GRK1: variants seen among roughly 807,000 people sequenced by gnomAD.
GRK1 encodes G protein-coupled receptor kinase 1.
A neutral mutation model predicts 41.7 loss-of-function variants in GRK1; 28 were observed. The ratio of observed to expected loss-of-function variants is 0.67; its 90% CI spans 0.50 to 0.92. The LOEUF is 0.92. GRK1 is among the 40% of genes least tolerant of loss of function. The probability of loss-of-function intolerance (pLI) is 0.00; values close to 1 mark genes in which losing one functional copy is unlikely to be tolerated. For synonymous variants in GRK1, 327 were observed against 286.7 expected, an observed-to-expected ratio of 1.14 and a Z score of -1.42; for missense variants, 703 against 671.2, an observed-to-expected ratio of 1.05 and a Z score of -0.52.
At chr13:113,669,271 C>A (rs1000432963) in intron 1 of GRK1, among the ~76,000 whole-genome samples, 3 of 152,194 alleles carry the variant, frequency 2.0e-5, no homozygotes, top group African/African-American at 7.2e-5. Flanking sequence ...AAAATAAAGA[C>A]AAAATGAAGC....
Position 113,671,453 on chromosome 13 carries a change from T to TC in GRK1, c.828-42dup. 1 of 774,342 alleles carries TC rather than the reference T, an allele frequency of 1.3e-6. No individual in the cohort carries two copies. Among genetic ancestry groups the TC allele is most frequent in the East Asian group, 2.4e-5 (1 of 41,214 alleles). 48.0% of individuals were successfully genotyped at this position (774,342 alleles called of 1,614,324 possible). On this transcript the variant is annotated intron_variant, in intron 2 of 6. Coordinates refer to ENST00000335678, the MANE Select transcript of GRK1 (RefSeq NM_002929.3). This position sits in a 1 kb window ranked among gnomAD's most constrained non-coding sequence, Gnocchi z 4.1. ...CAGCTCTGTCTTTCCATGATTTTAC[T>TC]CCCCATTAAACCCGGGGTGCATGGT...
chr13:113,735,291 G>T lies in GRK1; in HGVS notation c.1620G>T (p.Met540Ile). 1 of 1,535,656 alleles carries T rather than the reference G, an allele frequency of 6.5e-7. No homozygotes were observed. The highest frequency in any genetic ancestry group is 8.7e-7 in the Non-Finnish European group (1 of 1,145,756). Residue 540 changes from methionine to isoleucine, a missense_variant, in exon 7 of 7, where the codon ATG becomes ATT. By Grantham distance (10) the Met-to-Ile change is conservative. Coordinates refer to ENST00000335678, the MANE Select transcript of GRK1 (RefSeq NM_002929.3). ...ELNVWRSDGQMPDDMKGISGG... is the reference protein window; with the variant it reads ...ELNVWRSDGQIPDDMKGISGG... ...ACGTGTGGCGCTCGGACGGTCAGATGCCGGACGACATGAAGGGCATCTCCG... is the reference window on the plus strand; with the variant it reads ...ACGTGTGGCGCTCGGACGGTCAGATTCCGGACGACATGAAGGGCATCTCCG...
intron 2 of GRK1, among the ~76,000 whole-genome samples, chr13:113,670,806 C>T (rs79988872): frequency 2.7e-5 from 4 of 147,568 alleles, no homozygotes; most frequent in African/African-American, 1.0e-4. Context: ...CACGGGGGTG[C>T]CCAGGCGGAG....
chr13:113,669,400 C>G, intron 1 of GRK1, among the ~76,000 whole-genome samples: 1 of 152,206 alleles, frequency 6.6e-6, no homozygotes, highest in East Asian at 1.9e-4. Flanking sequence ...GGGTCCTCAC[C>G]CATGTTGCTC....
At chr13:113,656,968 G>GC in the GRK1 span, among the ~76,000 whole-genome samples, 186 of 152,118 alleles carry the variant, frequency 1.2e-3, 4 homozygotes, top group Admixed American at 1.2e-3. Flanking sequence ...AGGCCCTTCT[G>GC]CCCCCGGTCC....
In GRK1 at chr13:113,731,529, T is replaced by C; in HGVS notation, c.1194+186T>C. On this transcript the variant is annotated intron_variant, in intron 5 of 6. Transcript: ENST00000335678. The surrounding 1 kb of genome is among the most constrained non-coding windows in gnomAD (Gnocchi z 5.6). ...GGCCATGCTGTTCTGTCTCAGTGGG[T>C]GACGCCCCCAGCCCCTGAGGCCTGC... The C allele has an allele frequency of 1.7e-5, 7 of 422,442 alleles. No homozygotes were observed. Among genetic ancestry groups the C allele is most frequent in the Non-Finnish European group, 2.2e-5 (7 of 315,572 alleles). The allele number at this position is 422,442 out of a possible 1,614,324, so 26.2% of individuals were successfully genotyped here.
chr13:113,727,721 C>T (rs1247210054), intron 4 of GRK1, among the ~76,000 whole-genome samples: 44 of 117,416 alleles, frequency 3.7e-4, no homozygotes, highest in African/African-American at 1.4e-3. Context: ...GTACCCATGG[C>T]GATGAGGAGT....
rs780166589 is a variant in GRK1, at chr13:113,731,151, C to G, written c.1070-68C>G. The G allele has an allele frequency of 4.0e-5, 60 of 1,507,126 alleles. No individual in the cohort carries two copies. The South Asian group carries it at 6.5e-4, about 16-fold the overall frequency. The allele number at this position is 1,507,126 out of a possible 1,614,324, so 93.4% of individuals were successfully genotyped here. A position where few individuals can be genotyped will look rare whatever the true frequency, so the allele number is the denominator to read the frequency against. Reference sequence around the variant, plus strand: ...ATGCATCCCCAGAGCATCAGTCCTGCGATTCCTGGAGTGCGTGCCCACCAT... The same window carrying G: ...ATGCATCCCCAGAGCATCAGTCCTGGGATTCCTGGAGTGCGTGCCCACCAT... On this transcript the variant is annotated intron_variant, in intron 4 of 6. Coordinates refer to ENST00000335678, the MANE Select transcript of GRK1 (RefSeq NM_002929.3). This position sits in a 1 kb window ranked among gnomAD's most constrained non-coding sequence, Gnocchi z 5.6.
the GRK1 span, among the ~76,000 whole-genome samples, chr13:113,657,261 C>G: frequency 1.3e-5 from 2 of 152,160 alleles, no homozygotes; most frequent in Non-Finnish European, 2.9e-5. Flanking sequence ...TCCCTGGGAG[C>G]CGGGGACGGC....
At chr13:113,663,382 A>G (rs1206440620), upstream of GRK1, among the ~76,000 whole-genome samples, 2 of 152,262 alleles carry the variant, frequency 1.3e-5, no homozygotes, top group Non-Finnish European at 2.9e-5. Context: ...TTGTAAAACT[A>G]TAAAACTTTT....
chr13:113,669,890 T>A (rs1594571641), intron 2 of GRK1, 76 bp downstream of exon 2: 1 of 1,568,810 alleles, frequency 6.4e-7, no homozygotes, highest in Non-Finnish European at 8.7e-7. Context: ...CGGGCTCCTT[T>A]CCACAGGCAG....
chr13:113,648,565 A>G, the GRK1 span, among the ~76,000 whole-genome samples: 1 of 152,204 alleles, frequency 6.6e-6, no homozygotes, highest in Non-Finnish European at 1.5e-5. Flanking sequence ...GAATGTTCTC[A>G]TTTCAGTTTT....
the GRK1 span, chr13:113,650,589 GCA>G: frequency 1.2e-3 from 1,278 of 1,044,516 alleles, 10 homozygotes; most frequent in East Asian, 0.023. The surrounding 1 kb of genome is among the most constrained non-coding windows in gnomAD (Gnocchi z 5.0). Flanking sequence ...GTGCGTGTGT[GCA>G]CACACGCGCT....
the GRK1 span, among the ~76,000 whole-genome samples, chr13:113,653,638 G>A: frequency 6.6e-6 from 1 of 152,214 alleles, no homozygotes; most frequent in Non-Finnish European, 1.5e-5. Flanking sequence ...AGTTGCCCCG[G>A]CCCTGGAACC....
rs1209264084 is a variant in GRK1, at chr13:113,731,271, C to T, written c.1122C>T (p.Asp374=). 1.2e-5 allele frequency: 19 copies of T among 1,537,154 alleles called. No homozygotes were observed. The East Asian group carries it at 4.6e-4, about 38-fold the overall frequency. Residue 374 remains aspartate (D), a synonymous_variant, in exon 5 of 7, where the codon GAC becomes GAT. Transcript: ENST00000335678. This position sits in a 1 kb window ranked among gnomAD's most constrained non-coding sequence, Gnocchi z 5.6. ...GCGAGGAGTACGACTTCTCCGTGGA[C>T]TACTTTGCCCTGGGGGTCACCCTGT... ...LQGEEYDFSV[D]YFALGVTLYE...
At chr13:113,654,848 G>A in the GRK1 span, 3 of 1,614,094 alleles carry the variant, frequency 1.9e-6, no homozygotes, top group East Asian at 2.2e-5. Context: ...AGTCCGGTGT[G>A]TACGGGTCCA....
the GRK1 span, chr13:113,658,268 A>T: frequency 1.1e-6 from 1 of 946,210 alleles, no homozygotes; most frequent in Non-Finnish European, 1.5e-6. Context: ...CAGGCGAAGG[A>T]TCCCAGGGAG....
the GRK1 span, among the ~76,000 whole-genome samples, chr13:113,648,502 G>C: frequency 1.1e-4 from 16 of 152,262 alleles, no homozygotes; most frequent in Non-Finnish European, 1.6e-4. Flanking sequence ...CCTCACTGCT[G>C]TCTGGGTGAG....
rs2049855991 is a variant in GRK1, at chr13:113,671,445, G to C, written c.828-54G>C. ...TGAGGCCCCAGCTCTGTCTTTCCAT[G>C]ATTTTACTCCCCATTAAACCCGGGG... On this transcript the variant is annotated intron_variant, in intron 2 of 6. Transcript: ENST00000335678. This position sits in a 1 kb window ranked among gnomAD's most constrained non-coding sequence, Gnocchi z 4.1. The C allele has an allele frequency of 6.5e-6, 5 of 772,382 alleles. No homozygotes were observed. The highest frequency in any genetic ancestry group is 5.1e-5 in the Admixed American group (3 of 59,002). The allele number at this position is 772,382 out of a possible 1,614,324, so 47.8% of individuals were successfully genotyped here. A position where few individuals can be genotyped will look rare whatever the true frequency, so the allele number is the denominator to read the frequency against.
Sources: allele counts gnomAD v4.1 joint callset (sites outside exome capture counted in the v4.1 genomes callset), GRCh38; gene constraint gnomAD v4.1.1; non-coding constraint Gnocchi (gnomAD v3.1); transcripts MANE v1.5; gene names NCBI Gene and HGNC (gene_info 2026-07-23, HGNC 2026-07-21).